The following PLEKHA6 variants were observed in gnomAD, a reference collection of about 807,000 sequenced individuals.
The protein encoded by PLEKHA6 is pleckstrin homology domain-containing family A member 6.
In PLEKHA6, 60 loss-of-function variants were observed where a neutral mutation model predicts 116.7. The observed-to-expected ratio is 0.51, with a 90% CI of 0.42 to 0.64. The LOEUF (loss-of-function observed/expected upper bound fraction) is 0.64. Among genes scored for constraint, PLEKHA6 ranks in the 30% least tolerant of loss-of-function variants. The pLI, the probability that PLEKHA6 is intolerant of heterozygous loss-of-function variation, is 0.00. For synonymous variants in PLEKHA6, 489 were observed against 556.1 expected, an observed-to-expected ratio of 0.88 and a Z score of 1.70; for missense variants, 1,338 against 1,422.7, an observed-to-expected ratio of 0.94 and a Z score of 0.96.
chr1:204,296,479 G>C (rs894223759), intron 1 of PLEKHA6, among the ~76,000 whole-genome samples: 2 of 152,144 alleles, frequency 1.3e-5, no homozygotes, highest in African/African-American at 2.4e-5. Flanking sequence ...TACCAGAGCA[G>C]AGTCCCTCCC....
rs1022433719 is a variant in PLEKHA6 at position 204,288,812 on chromosome 1, G to A, written c.-94-14003C>T. On this transcript the variant is annotated intron_variant, in intron 1 of 22. Transcript: ENST00000272203. The stretch of plus-strand genomic sequence containing the variant: ...AGTTTGGAGAGCAGCACTAGGAATT[G>A]TAATAGAGATTAAGAGGAGAAACAC... Among the ~76,000 whole-genome samples the A allele has an allele frequency of 2.0e-5, 3 of 152,174 alleles. No individual in the cohort carries two copies. In the South Asian group the frequency reaches 6.2e-4, roughly 32 times the overall value.
chr1:204,349,005 GC>G (rs1398620211), intron 1 of PLEKHA6, among the ~76,000 whole-genome samples: 3 of 152,176 alleles, frequency 2.0e-5, no homozygotes, highest in Non-Finnish European at 2.9e-5. Flanking sequence ...CACGCAGCTA[GC>G]CCCACCCATC....
At chr1:204,372,302 AAGGC>A (rs1415082675) in intron 1 of PLEKHA6, among the ~76,000 whole-genome samples, 1 of 152,154 alleles carries the variant, frequency 6.6e-6, no homozygotes, top group African/African-American at 2.4e-5. Context: ...CACACCCAGC[AAGGC>A]AGGCTCCCCA....
chr1:204,375,489 A>G (rs957603480), intron 1 of PLEKHA6, among the ~76,000 whole-genome samples: 1 of 150,934 alleles, frequency 6.6e-6, no homozygotes, highest in Non-Finnish European at 1.5e-5. Flanking sequence ...GATTTCTCCC[A>G]TCTCTCCCTC....
rs375763839 is a variant in PLEKHA6 at position 204,219,220 on chromosome 1, CGT to C, written c.*3566_*3567del. On this transcript the variant is annotated 3_prime_UTR_variant, in exon 23 of 23. Coordinates refer to ENST00000272203, the MANE Select transcript of PLEKHA6 (RefSeq NM_014935.5). Reference sequence around the variant, plus strand: ...CCCAATATGTGCATAAATAGATATACGTGTGTGTGTGTGTGTGTGTGTATATA... The same window carrying C: ...CCCAATATGTGCATAAATAGATATACGTGTGTGTGTGTGTGTGTGTATATA... 3.0e-3 allele frequency: 433 copies of C among 146,602 alleles called. No individual in the cohort carries two copies. The highest frequency in any genetic ancestry group is 3.5e-3 in the Non-Finnish European group (229 of 65,952). 9.1% of individuals were successfully genotyped at this position (146,602 alleles called of 1,614,324 possible).
At chr1:204,253,476 C>A (rs577235164) in intron 9 of PLEKHA6, among the ~76,000 whole-genome samples, 1 of 152,106 alleles carries the variant, frequency 6.6e-6, no homozygotes, top group Non-Finnish European at 1.5e-5. Context: ...GAGCCGAGAT[C>A]GCGCCACTGC....
intron 1 of PLEKHA6, among the ~76,000 whole-genome samples, chr1:204,304,941 G>A (rs975719533): frequency 2.0e-5 from 3 of 152,176 alleles, no homozygotes; most frequent in Admixed American, 6.5e-5. Context: ...GGTGTCCAGT[G>A]AGCATCTACC....
rs1216002330 is a variant in PLEKHA6, at chr1:204,257,692, G to A, written c.1185C>T (p.Ala395=). 1 of 1,611,824 alleles carries A rather than the reference G, an allele frequency of 6.2e-7. No individual in the cohort carries two copies. The highest frequency in any genetic ancestry group is 1.7e-5 in the Admixed American group (1 of 59,698). ...AGGCAGGGCCACCCCCATTGCGGAA[G>A]GCATGGCGCTTGTCCTCCAGGGCCC... ...PPWALEDKRH[A]FRNGGGPAYQ... The change falls in exon 9 of 23, where the codon GCC becomes GCT. Residue 395 remains alanine (A), a synonymous_variant. Coordinates refer to ENST00000272203, the MANE Select transcript of PLEKHA6 (RefSeq NM_014935.5). This position sits in a 1 kb window ranked among gnomAD's most constrained non-coding sequence, Gnocchi z 6.5.
At chr1:204,229,321 G>A (rs1479322760) in intron 18 of PLEKHA6, among the ~76,000 whole-genome samples, 2 of 152,228 alleles carry the variant, frequency 1.3e-5, no homozygotes, top group Non-Finnish European at 2.9e-5. Flanking sequence ...ATCATCTCTT[G>A]TCAGTTCTTG....
intron 1 of PLEKHA6, among the ~76,000 whole-genome samples, chr1:204,280,730 G>T (rs907118772): frequency 9.9e-5 from 15 of 152,162 alleles, no homozygotes; most frequent in African/African-American, 3.1e-4. Context: ...TGGGGAGAAG[G>T]TTGGCTCCTG....
Position 204,250,592 on chromosome 1 carries a change from A to G in PLEKHA6, c.1547T>C (p.Phe516Ser). 1 of 1,612,980 alleles carries G rather than the reference A, an allele frequency of 6.2e-7. No individual in the cohort carries two copies. Among genetic ancestry groups the G allele is most frequent in the African/African-American group, 1.3e-5 (1 of 75,012 alleles). ...CTTGTAGGTGTGGAGGCTGTCCCGG[A>G]ACACTTCTGGGTATGGAGGGACCTG... The part of the protein sequence containing the change: ...SPKVPPYPEV[F>S]RDSLHTYKLN... The change falls in exon 10 of 23, where the codon TTC becomes TCC. Residue 516 changes from phenylalanine (F) to serine (S), a missense_variant. Phe to Ser is a radical substitution (Grantham distance 155). Transcript: ENST00000272203.
At chr1:204,275,180 C>T (rs900867000) in intron 1 of PLEKHA6, among the ~76,000 whole-genome samples, 8 of 152,098 alleles carry the variant, frequency 5.3e-5, no homozygotes, top group Non-Finnish European at 8.8e-5. Context: ...CTCCCAGGGA[C>T]GGCGTCTGCC....
chr1:204,326,145 T>C lies in PLEKHA6; in HGVS notation c.-95+33549A>G, dbSNP rs114635512. 2.6e-3 allele frequency among the ~76,000 whole-genome samples: 390 copies of C among 152,338 alleles called. 1 individual carries two copies. Among genetic ancestry groups the C allele is most frequent in the African/African-American group, 8.9e-3 (370 of 41,580 alleles). ...GTCCTGCTGTGGCCAACTTTCTCCA[T>C]GGCTGAGGGCAGCTCCAGTTCCATG... On this transcript the variant is annotated intron_variant, in intron 1 of 22. Coordinates refer to ENST00000272203, the MANE Select transcript of PLEKHA6 (RefSeq NM_014935.5).
At chr1:204,268,381 C>T in intron 3 of PLEKHA6, 69 bp from the exon 4 acceptor site, 1 of 1,115,286 alleles carries the variant, frequency 9.0e-7, no homozygotes, top group South Asian at 1.6e-5. Flanking sequence ...GCAAGGGAGC[C>T]ACCCCTGCTA....
intron 1 of PLEKHA6, among the ~76,000 whole-genome samples, chr1:204,340,783 T>G (rs957391825): frequency 6.6e-6 from 1 of 152,086 alleles, no homozygotes; most frequent in African/African-American, 2.4e-5. Flanking sequence ...TCCAGAGTTA[T>G]GGGAGGAAAG....
intron 9 of PLEKHA6, 51 bp from the exon 10 acceptor site, chr1:204,250,665 C>T (rs1452363611): frequency 8.0e-7 from 1 of 1,249,076 alleles, no homozygotes; most frequent in African/African-American, 1.5e-5. Flanking sequence ...TGAGGGTATG[C>T]AGGGATAGGA....
intron 1 of PLEKHA6, among the ~76,000 whole-genome samples, chr1:204,276,547 A>T (rs1461626572): frequency 6.7e-6 from 1 of 150,202 alleles, no homozygotes; most frequent in Non-Finnish European, 1.5e-5. Context: ...GGTGCAGGGC[A>T]CCCGCCCCCT....
intron 6 of PLEKHA6, chr1:204,262,245 A>T (rs1666219654): frequency 6.6e-6 from 1 of 152,286 alleles, no homozygotes; most frequent in Non-Finnish European, 1.5e-5. Context: ...GCACCAGGGA[A>T]ATTCAGGCTG....
At chr1:204,230,213 T>G (rs1007689879) in intron 18 of PLEKHA6, among the ~76,000 whole-genome samples, 200 bp downstream of exon 18, 1 of 152,238 alleles carries the variant, frequency 6.6e-6, no homozygotes, top group African/African-American at 2.4e-5. Flanking sequence ...GTTATTTTCT[T>G]TAAACAAGAA....
Sources: allele counts gnomAD v4.1 joint callset (sites outside exome capture counted in the v4.1 genomes callset), GRCh38; gene constraint gnomAD v4.1.1; non-coding constraint Gnocchi (gnomAD v3.1); transcripts MANE v1.5; gene names NCBI Gene and HGNC (gene_info 2026-07-23, HGNC 2026-07-21).